The following RTL1 variants were observed in gnomAD, a reference collection of about 807,000 sequenced individuals.
RTL1 encodes retrotransposon-like protein 1.
For missense variants in RTL1, 1,681 were observed against 1,767.5 expected, an observed-to-expected ratio of 0.95 and a Z score of 0.88; for synonymous variants, 727 against 748.4, an observed-to-expected ratio of 0.97 and a Z score of 0.47.
rs750545277 is a variant in RTL1 at position 100,882,510 on chromosome 14, T to A, written c.2279A>T (p.Asn760Ile). 1 of 1,551,844 alleles carries A rather than the reference T, an allele frequency of 6.4e-7. No individual in the cohort carries two copies. The highest frequency in any genetic ancestry group is 1.2e-5 in the South Asian group (1 of 84,046). The stretch of plus-strand genomic sequence containing the variant: ...GCTCTTGTCCAGGGAGCAGTAGACG[T>A]TGTGATGGCGGAAGCGGACCAGGAC... ...RQVLVRFRHH[N>I]VYCSLDKSQF... is the part of the protein sequence containing the mutation. Residue 760 changes from asparagine to isoleucine, a missense_variant, in exon 4 of 4, where the codon AAC becomes ATC. By Grantham distance (149) the Asn-to-Ile change is moderately radical. Coordinates refer to ENST00000649591, the MANE Select transcript of RTL1 (RefSeq NM_001134888.3).
In RTL1 at chr14:100,893,096, C is replaced by A. The variant is rs1163393305; in HGVS notation, c.-87+348G>T. Among the ~76,000 whole-genome samples, 1 of 152,126 alleles carries A rather than the reference C, an allele frequency of 6.6e-6. No individual in the cohort carries two copies. The highest frequency in any genetic ancestry group is 1.5e-5 in the Non-Finnish European group (1 of 68,040). ...CCATCTTCATTCCATGGTGTTGATACTGCCAGCCTCGTGGCCTGAGGGGCA... is the reference window on the plus strand; with the variant it reads ...CCATCTTCATTCCATGGTGTTGATAATGCCAGCCTCGTGGCCTGAGGGGCA... On this transcript the variant is annotated intron_variant, in intron 3 of 3. Coordinates refer to ENST00000649591, the MANE Select transcript of RTL1 (RefSeq NM_001134888.3). This position sits in a 1 kb window ranked among gnomAD's most constrained non-coding sequence, Gnocchi z 4.2.
chr14:100,879,875 G>A lies in RTL1; in HGVS notation c.*837C>T, dbSNP rs538676047. The stretch of plus-strand genomic sequence containing the variant: ...GTGGCCAGAGCCTCTCTGTGACTCG[G>A]CATGGTCCCCTGGGTGTCTGTGTGC... On this transcript the variant is annotated 3_prime_UTR_variant, in exon 4 of 4. Coordinates refer to ENST00000649591, the MANE Select transcript of RTL1 (RefSeq NM_001134888.3). 6.6e-6 allele frequency among the ~76,000 whole-genome samples: 1 copy of A among 152,096 alleles called. No homozygotes were observed. The highest frequency in any genetic ancestry group is 2.0e-4 in the East Asian group (1 of 5,104).
chr14:100,895,506 G>A (rs1480906825), intron 2 of RTL1, among the ~76,000 whole-genome samples: 1 of 152,176 alleles, frequency 6.6e-6, no homozygotes, highest in East Asian at 1.9e-4. Context: ...ACTTATTTTA[G>A]GTGGATCTGC....
chr14:100,901,914 C>T lies in RTL1; in HGVS notation c.-149+1377G>A, dbSNP rs541123115. On this transcript the variant is annotated intron_variant, in intron 2 of 3. Transcript: ENST00000649591. ...CCCAGGGCAAGCTACTCGGGAGAGGCCAAATGGCCTCATACTGACCCCTGC... is the reference window on the plus strand; with the variant it reads ...CCCAGGGCAAGCTACTCGGGAGAGGTCAAATGGCCTCATACTGACCCCTGC... 2.7e-4 allele frequency among the ~76,000 whole-genome samples: 41 copies of T among 152,334 alleles called. No individual in the cohort carries two copies. The South Asian group carries it at 8.5e-3, about 32-fold the overall frequency.
chr14:100,881,296 C>T lies in RTL1; in HGVS notation c.3493G>A (p.Glu1165Lys), dbSNP rs1045797712. 15 of 1,550,344 alleles carry T rather than the reference C, an allele frequency of 9.7e-6. No individual in the cohort carries two copies. In the African/African-American group the frequency reaches 1.1e-4, roughly 11 times the overall value. Reference sequence around the variant, plus strand: ...CAGCGGCCAGGGCCCAGGAACAGCTCAGCCAGCTCCTGGGCTGGGATGGTG... The same window carrying T: ...CAGCGGCCAGGGCCCAGGAACAGCTTAGCCAGCTCCTGGGCTGGGATGGTG... Reference protein sequence around the residue: ...ANTIPAQELAELFLGPGRWQR... With the variant: ...ANTIPAQELAKLFLGPGRWQR... The change falls in exon 4 of 4, where the codon GAG becomes AAG. Residue 1165 changes from glutamate (E) to lysine (K), a missense_variant. Transcript: ENST00000649591. This position sits in a 1 kb window ranked among gnomAD's most constrained non-coding sequence, Gnocchi z 6.6.
rs867929904 is a variant in RTL1 at position 100,884,489 on chromosome 14, C to T, written c.300G>A (p.Glu100=). ...CCTGGTGTGAACCGTTGCATGACTC[C>T]TCCAGGTCTTGGAGTAGGTCATTGG... is the stretch of plus-strand genomic sequence containing the variant. ...DPPNDLLQDL[E]ESCNGSHQAR... The change falls in exon 4 of 4, where the codon GAG becomes GAA. Residue 100 remains glutamate, a synonymous_variant. Transcript: ENST00000649591. The T allele has an allele frequency of 6.2e-7, 1 of 1,614,220 alleles. No individual in the cohort carries two copies. The highest frequency in any genetic ancestry group is 8.5e-7 in the Non-Finnish European group (1 of 1,180,036).
At position 100,882,795 on chromosome 14, in the gene RTL1, T is replaced by G; in HGVS notation, c.1994A>C (p.Lys665Thr). 6.4e-7 allele frequency: 1 copy of G among 1,551,852 alleles called. No individual in the cohort carries two copies. Among genetic ancestry groups the G allele is most frequent in the African/African-American group, 1.4e-5 (1 of 73,138 alleles). ...CACAATGGTCCCACGCAGCTCCAGT[T>G]TTGTGAACCACTCGGCTCCGTGTAA... ...DQLHGAEWFT[K>T]LELRGTIVEE... The change falls in exon 4 of 4, where the codon AAA (lysine) becomes ACA (threonine). Residue 665 changes from lysine (K) to threonine (T), a missense_variant. Lys to Thr is a moderately conservative substitution (Grantham distance 78, BLOSUM62 -1). Coordinates refer to ENST00000649591, the MANE Select transcript of RTL1 (RefSeq NM_001134888.3).
intron 3 of RTL1, among the ~76,000 whole-genome samples, chr14:100,886,427 G>T (rs887466453): frequency 1.3e-5 from 2 of 152,134 alleles, no homozygotes; most frequent in African/African-American, 2.4e-5. Context: ...ACCTTCTAGC[G>T]TAAACATATC....
At position 100,881,687 on chromosome 14, in the gene RTL1, C is replaced by T. The variant is rs1566752667; in HGVS notation, c.3102G>A (p.Glu1034=). 2 of 1,559,080 alleles carry T rather than the reference C, an allele frequency of 1.3e-6. No homozygotes were observed. The highest frequency in any genetic ancestry group is 8.7e-7 in the Non-Finnish European group (1 of 1,150,974). ...RDPSTESGEE[E]NEEQDELNEQ... is the part of the protein sequence containing the mutation. Reference sequence around the variant, plus strand: ...CATTGAGCTCATCCTGTTCTTCATTCTCTTCTTCCCCGGATTCCGTCGATG... The same window carrying T: ...CATTGAGCTCATCCTGTTCTTCATTTTCTTCTTCCCCGGATTCCGTCGATG... The change falls in exon 4 of 4, where the codon GAG becomes GAA. Residue 1034 remains glutamate, a synonymous_variant. Transcript: ENST00000649591. This position sits in a 1 kb window ranked among gnomAD's most constrained non-coding sequence, Gnocchi z 6.6.
At chr14:100,885,946 G>T (rs1347265844) in intron 3 of RTL1, among the ~76,000 whole-genome samples, 2 of 152,178 alleles carry the variant, frequency 1.3e-5, no homozygotes, top group African/African-American at 4.8e-5. Flanking sequence ...GACATTGAGT[G>T]TGGGGGTTGG....
chr14:100,898,096 A>T (rs1379259449), intron 2 of RTL1: 5 of 331,254 alleles, frequency 1.5e-5, no homozygotes, highest in Non-Finnish European at 2.6e-5. Context: ...TACTGTTGAA[A>T]ATCCCAGCTG....
rs1286000997 is a variant in RTL1 at position 100,879,791 on chromosome 14, T to TG, written c.*920dup. Among the ~76,000 whole-genome samples the TG allele has an allele frequency of 1.4e-5, 2 of 143,554 alleles. No individual in the cohort carries two copies. Among genetic ancestry groups the TG allele is most frequent in the Non-Finnish European group, 3.1e-5 (2 of 65,392 alleles). The allele number at this position is 143,554 out of a possible 152,430, so 94.2% of individuals were successfully genotyped here. On this transcript the variant is annotated 3_prime_UTR_variant, in exon 4 of 4. Coordinates refer to ENST00000649591, the MANE Select transcript of RTL1 (RefSeq NM_001134888.3). ...CTTTATTTGAGGAGTGCAAAAAGAT[T>TG]GGGGGGTGAGAAAGCTCGGGGGGTG...
chr14:100,885,733 C>A (rs2038689237), intron 3 of RTL1, among the ~76,000 whole-genome samples: 1 of 152,172 alleles, frequency 6.6e-6, no homozygotes, highest in Non-Finnish European at 1.5e-5. Flanking sequence ...TCTCCCAGGA[C>A]TGCCCTCTTT....
rs187380673 is a variant in RTL1 at position 100,882,030 on chromosome 14, G to C, written c.2759C>G (p.Ala920Gly). The stretch of plus-strand genomic sequence containing the variant: ...CCGTATTGGAAGAATCTTCATCTCC[G>C]CTTGAGAGTACTCAACCTCGATAGG... ...ISPIEVEYSQ[A>G]EMKILPIRAA... Residue 920 changes from alanine to glycine, a missense_variant, in exon 4 of 4, where the codon GCG becomes GGG. Coordinates refer to ENST00000649591, the MANE Select transcript of RTL1 (RefSeq NM_001134888.3). 6.2e-7 allele frequency: 1 copy of C among 1,613,506 alleles called. No individual in the cohort carries two copies. Among genetic ancestry groups the C allele is most frequent in the Admixed American group, 1.7e-5 (1 of 59,984 alleles).
chr14:100,885,995 A>G (rs1440894832), intron 3 of RTL1, among the ~76,000 whole-genome samples: 1 of 152,102 alleles, frequency 6.6e-6, no homozygotes, highest in Non-Finnish European at 1.5e-5. Context: ...ACGGTCCCAG[A>G]GTGGATTTTT....
At chr14:100,898,926 T>TA (rs2038905155) in intron 2 of RTL1, 1 of 152,288 alleles carries the variant, frequency 6.6e-6, no homozygotes, top group Non-Finnish European at 1.5e-5. Flanking sequence ...GGTCAACTGT[T>TA]ACTCACCCTC....
chr14:100,897,007 T>C (rs1193858962), intron 2 of RTL1, among the ~76,000 whole-genome samples: 1 of 152,006 alleles, frequency 6.6e-6, no homozygotes, highest in Admixed American at 6.6e-5. Flanking sequence ...AGTAAAGCAC[T>C]CCCCCGTGGG....
chr14:100,890,449 C>T (rs915087342), intron 3 of RTL1, among the ~76,000 whole-genome samples: 17 of 5,014 alleles, frequency 3.4e-3, no homozygotes, highest in African/African-American at 5.0e-3. Context: ...GAGCCTGGGG[C>T]GGGGGGCCGG....
At position 100,884,453 on chromosome 14, in the gene RTL1, A is replaced by T; in HGVS notation, c.336T>A (p.Asp112Glu). ...SCNGSHQARG[D>E]PLSGASDRMK... ...TCCTATCAGATGCTCCACTGAGTGG[A>T]TCCCCCCTTGCCTGGTGTGAACCGT... The change falls in exon 4 of 4, where the codon GAT (aspartate) becomes GAA (glutamate). Residue 112 changes from aspartate (D) to glutamate (E), a missense_variant. Asp to Glu is a conservative substitution (Grantham distance 45). Coordinates refer to ENST00000649591, the MANE Select transcript of RTL1 (RefSeq NM_001134888.3). 6.2e-6 allele frequency: 10 copies of T among 1,613,942 alleles called. No homozygotes were observed. Among genetic ancestry groups the T allele is most frequent in the Non-Finnish European group, 6.8e-6 (8 of 1,179,980 alleles).
Sources: allele counts gnomAD v4.1 joint callset (sites outside exome capture counted in the v4.1 genomes callset), GRCh38; gene constraint gnomAD v4.1.1; non-coding constraint Gnocchi (gnomAD v3.1); transcripts MANE v1.5; gene names NCBI Gene and HGNC (gene_info 2026-07-23, HGNC 2026-07-21).